Variants in APP observed in about 807,000 individuals in gnomAD.
The protein encoded by APP is amyloid-beta precursor protein.
Under a neutral mutation model 101.4 loss-of-function variants are expected in APP, and 31 were observed. The observed-to-expected ratio is 0.31, with a 90% CI of 0.23 to 0.41. The LOEUF (loss-of-function observed/expected upper bound fraction) is 0.41, where lower values mean the gene tolerates loss of function less well. APP is among the 10% of genes least tolerant of loss of function. The probability of loss-of-function intolerance (pLI) is 1.00; values close to 1 mark genes in which losing one functional copy is unlikely to be tolerated. For missense variants in APP, 839 were observed against 1,003.7 expected (o/e 0.84, Z 2.22); for synonymous variants, 366 against 364.4 (o/e 1.00, Z -0.05).
chr21:26,013,638 T>C (rs1235994196), intron 6 of APP, among the ~76,000 whole-genome samples: 1 of 152,164 alleles, frequency 6.6e-6, no homozygotes, highest in African/African-American at 2.4e-5. Flanking sequence ...TGATTACTTC[T>C]GCTATTCTAT....
At position 25,997,338 on chromosome 21, in the gene APP, C is replaced by T. The variant is rs1601154981; in HGVS notation, c.1090+22G>A. ...AGCATCCTCCTCCCCTCTTCCCTTC[C>T]CTCAGGTGAATGACAACGTACGTTT... On this transcript the variant is annotated intron_variant, in intron 8 of 17. Transcript: ENST00000346798. 4 of 1,610,666 alleles carry T rather than the reference C, an allele frequency of 2.5e-6. No individual in the cohort carries two copies. The East Asian group carries it at 6.7e-5, about 27-fold the overall frequency.
chr21:26,149,701 A>T (rs455465), intron 1 of APP, among the ~76,000 whole-genome samples: 9 of 152,126 alleles, frequency 5.9e-5, no homozygotes, highest in Non-Finnish European at 1.2e-4. Flanking sequence ...TTTGGAGTAC[A>T]GAATGTCTTT....
chr21:25,931,269 T>C (rs1314562859), intron 13 of APP, among the ~76,000 whole-genome samples: 3 of 152,162 alleles, frequency 2.0e-5, no homozygotes, highest in African/African-American at 7.2e-5. Flanking sequence ...AAGAGATCAT[T>C]GTCCTAGCAG....
chr21:25,891,592 C>A, intron 17 of APP, 130 bp downstream of exon 17: 1 of 915,690 alleles, frequency 1.1e-6, no homozygotes, highest in Non-Finnish European at 1.8e-6. Context: ...ACAACTGTAA[C>A]CCAAGCATCA....
chr21:26,088,112 T>G (rs2061740420), intron 3 of APP, among the ~76,000 whole-genome samples: 1 of 152,140 alleles, frequency 6.6e-6, no homozygotes, highest in Non-Finnish European at 1.5e-5. Context: ...GCTGGGATTA[T>G]AGGCTTGAGC....
chr21:26,059,163 G>T (rs2046166496), intron 3 of APP, among the ~76,000 whole-genome samples: 1 of 152,082 alleles, frequency 6.6e-6, no homozygotes, highest in African/African-American at 2.4e-5. Flanking sequence ...GGGTTGAGTA[G>T]ATTAATGTAA....
Position 25,997,356 on chromosome 21 carries a change from G to GT in APP, c.1090+3dup, listed in dbSNP as rs1555839726. 2.0e-5 allele frequency: 33 copies of GT among 1,613,278 alleles called. No homozygotes were observed. Among genetic ancestry groups the GT allele is most frequent in the Non-Finnish European group, 2.7e-5 (32 of 1,179,364 alleles). ...TCCCTTCCCTCAGGTGAATGACAACGTACGTTTAACAGGATCTCGGGCAAG... is the reference window on the plus strand; with the variant it reads ...TCCCTTCCCTCAGGTGAATGACAACGTTACGTTTAACAGGATCTCGGGCAAG... On this transcript the variant is annotated splice_donor_region_variant and intron_variant, in intron 8 of 17. Transcript: ENST00000346798.
At chr21:25,890,434 T>C (rs1022596333) in intron 17 of APP, among the ~76,000 whole-genome samples, 1 of 152,208 alleles carries the variant, frequency 6.6e-6, no homozygotes, top group African/African-American at 2.4e-5. Context: ...CACCTGGACT[T>C]TTCTCTGATG....
At chr21:26,024,928 T>C (rs1229252706) in intron 5 of APP, among the ~76,000 whole-genome samples, 2 of 152,236 alleles carry the variant, frequency 1.3e-5, no homozygotes, top group East Asian at 1.9e-4. Context: ...AATTTATTAA[T>C]AGCAACTTAC....
rs777073624 is a variant in APP at position 25,881,668 on chromosome 21, G to A, written c.*2C>T. ...AACTTCAGAGGCTGCTGTGGCGGGGGTCTAGTTCTGCATCTGCTCAAAGAA... is the reference window on the plus strand; with the variant it reads ...AACTTCAGAGGCTGCTGTGGCGGGGATCTAGTTCTGCATCTGCTCAAAGAA... On this transcript the variant is annotated 3_prime_UTR_variant, in exon 18 of 18. Transcript: ENST00000346798. The A allele has an allele frequency of 3.7e-6, 6 of 1,613,644 alleles. No homozygotes were observed. In the Admixed American group the frequency reaches 8.3e-5, roughly 22 times the overall value.
rs201953928 is a variant in APP at position 25,997,434 on chromosome 21, G to A, written c.1034-18C>T. On this transcript the variant is annotated intron_variant, in intron 7 of 17. Transcript: ENST00000346798. ...TTGGGACACTATGGAAAAAATAAGAGAACATAACTAAAAACAAAAAGAGAA... is the reference window on the plus strand; with the variant it reads ...TTGGGACACTATGGAAAAAATAAGAAAACATAACTAAAAACAAAAAGAGAA... 1.5e-5 allele frequency: 24 copies of A among 1,603,462 alleles called. No homozygotes were observed. Among genetic ancestry groups the A allele is most frequent in the Non-Finnish European group, 2.1e-5 (24 of 1,170,446 alleles).
chr21:26,090,247 T>C (rs1337299901), intron 2 of APP, among the ~76,000 whole-genome samples, 175 bp from the exon 3 acceptor site: 2 of 152,224 alleles, frequency 1.3e-5, no homozygotes, highest in African/African-American at 2.4e-5. Flanking sequence ...ATCTGCATTA[T>C]ATACTTACTG....
rs35206910 is a variant in APP, at chr21:26,017,198, CAAAAAAAA to C, written c.865+4634_865+4641del. Among the ~76,000 whole-genome samples the C allele has an allele frequency of 1.2e-4, 7 of 56,364 alleles. No individual in the cohort carries two copies. The East Asian group carries it at 1.4e-3, about 11-fold the overall frequency. 37.0% of individuals were successfully genotyped at this position (56,364 alleles called of 152,430 possible). On this transcript the variant is annotated intron_variant, in intron 6 of 17. Transcript: ENST00000346798. ...TGGGTGACAGAGCGAGACTGTATCT[CAAAAAAAA>C]AAAAAAAAAAAATTCTTGGCCTTAG...
At chr21:25,887,517 GAA>G (rs199637906) in intron 17 of APP, among the ~76,000 whole-genome samples, 1,381 of 114,370 alleles carry the variant, frequency 0.012, 17 homozygotes, top group African/African-American at 0.039. Context: ...CTGCTTATTT[GAA>G]AAAAAAAAAA....
At chr21:26,030,978 G>A (rs887723661) in intron 5 of APP, among the ~76,000 whole-genome samples, 1 of 152,128 alleles carries the variant, frequency 6.6e-6, no homozygotes, top group African/African-American at 2.4e-5. Context: ...CATTCTACAG[G>A]GAAGGAAAGA....
Position 25,897,640 on chromosome 21 carries a change from A to G in APP, c.1997T>C (p.Ile666Thr), listed in dbSNP as rs747052680. 1 of 1,613,950 alleles carries G rather than the reference A, an allele frequency of 6.2e-7. No homozygotes were observed. Among genetic ancestry groups the G allele is most frequent in the Non-Finnish European group, 8.5e-7 (1 of 1,179,914 alleles). ...SGLTNIKTEE[I>T]SEVKMDAEFR... ...TTCTGCATCCATCTTCACTTCAGAGATCTCCTCCGTCTTGATATTTGTCAA... is the reference window on the plus strand; with the variant it reads ...TTCTGCATCCATCTTCACTTCAGAGGTCTCCTCCGTCTTGATATTTGTCAA... The change falls in exon 16 of 18, where the codon ATC becomes ACC. Residue 666 changes from isoleucine to threonine, a missense_variant. Coordinates refer to ENST00000346798, the MANE Select transcript of APP (RefSeq NM_000484.4).
chr21:25,938,222 A>G (rs2040433171), intron 13 of APP, among the ~76,000 whole-genome samples: 1 of 152,246 alleles, frequency 6.6e-6, no homozygotes, highest in Non-Finnish European at 1.5e-5. Flanking sequence ...CTCTCTATGC[A>G]TCTGAACTTC....
intron 11 of APP, among the ~76,000 whole-genome samples, chr21:25,957,363 A>T (rs563489681): frequency 1.3e-5 from 2 of 152,340 alleles, no homozygotes; most frequent in Non-Finnish European, 2.9e-5. Context: ...GTGAATTAAA[A>T]AAAAAGAACA....
chr21:26,128,785 T>C (rs2062733607), intron 1 of APP, among the ~76,000 whole-genome samples: 1 of 152,078 alleles, frequency 6.6e-6, no homozygotes, highest in Admixed American at 6.6e-5. Flanking sequence ...TCCCAAAATG[T>C]ATTTGACCGT....
Sources: gnomAD v4.1 joint callset for allele counts (sites outside exome capture counted in the v4.1 genomes callset) on GRCh38, gnomAD v4.1.1 for gene constraint, MANE v1.5 for transcripts, NCBI Gene and HGNC (gene_info 2026-07-23, HGNC 2026-07-21) for gene names.